Variants in CELSR1 observed in about 807,000 individuals in gnomAD.
CELSR1 encodes cadherin EGF LAG seven-pass G-type receptor 1.
Under a neutral mutation model 249.1 loss-of-function variants are expected in CELSR1, and 110 were observed. The observed-to-expected ratio is 0.44, with a 90% confidence interval of 0.38 to 0.52. CELSR1 has a LOEUF of 0.52. CELSR1 is among the 20% of genes least tolerant of loss of function. CELSR1 has a pLI of 0.00. For missense variants in CELSR1, 4,109 were observed against 4,296.4 expected (o/e 0.96, Z 1.22); for synonymous variants, 2,113 against 1,900.0 (o/e 1.11, Z -2.92).
intron 23 of CELSR1, 110 bp from the exon 24 acceptor site, chr22:46,377,371 G>T: frequency 8.2e-7 from 1 of 1,219,804 alleles, no homozygotes; most frequent in Non-Finnish European, 1.2e-6. Context: ...GATCAAGGCT[G>T]GCAGGATCAG....
intron 19 of CELSR1, 79 bp downstream of exon 19, chr22:46,386,323 T>C: frequency 1.4e-6 from 2 of 1,405,002 alleles, no homozygotes; most frequent in Non-Finnish European, 9.3e-7. Context: ...GCCCACCTGC[T>C]TCACCCCATG....
chr22:46,380,260 C>T lies in CELSR1; in HGVS notation c.7256+528G>A, dbSNP rs1444840003. Among the ~76,000 whole-genome samples, 3 of 152,344 alleles carry T rather than the reference C, an allele frequency of 2.0e-5. No individual in the cohort carries two copies. The East Asian group carries it at 5.8e-4, about 29-fold the overall frequency. On this transcript the variant is annotated intron_variant, in intron 22 of 34. Transcript: ENST00000674500. This position sits in a 1 kb window ranked among gnomAD's most constrained non-coding sequence, Gnocchi z 5.1. ...CGTTCGCCACTCTGTGACTCTCTGA[C>T]GCTGCTTCTGAAACGGGCCAGATAA...
chr22:46,515,619 C>T (rs899695802), intron 1 of CELSR1, among the ~76,000 whole-genome samples: 1 of 152,152 alleles, frequency 6.6e-6, no homozygotes, highest in Non-Finnish European at 1.5e-5. Flanking sequence ...CTCAGTCACA[C>T]AGTGCTCAGG....
At position 46,536,247 on chromosome 22, in the gene CELSR1, G is replaced by A. The variant is rs1298272115; in HGVS notation, c.924C>T (p.Asp308=). 6 of 1,612,326 alleles carry A rather than the reference G, an allele frequency of 3.7e-6. No homozygotes were observed. In the East Asian group the frequency reaches 1.3e-4, roughly 36 times the overall value. ...IDSATGAVST[D]SVLDRETKET... ...CCTTGGTCTCGCGGTCCAGTACGCT[G>A]TCCGTGCTCACGGCGCCCGTGGCAG... The change falls in exon 1 of 35, where the codon GAC becomes GAT. Residue 308 remains aspartate (D), a synonymous_variant. Transcript: ENST00000674500.
chr22:46,463,341 C>T (rs2080054023), intron 2 of CELSR1, among the ~76,000 whole-genome samples: 1 of 152,122 alleles, frequency 6.6e-6, no homozygotes, highest in Admixed American at 6.5e-5. Context: ...CATGGCGAAA[C>T]CCCATCTCTA....
intron 1 of CELSR1, among the ~76,000 whole-genome samples, chr22:46,507,003 C>T (rs933857141): frequency 2.0e-5 from 3 of 151,244 alleles, no homozygotes; most frequent in African/African-American, 4.9e-5. Context: ...CTGGCCAACA[C>T]GGTGAAACCC....
In CELSR1 at chr22:46,411,670, A is replaced by G. The variant is rs778944169; in HGVS notation, c.4701T>C (p.Ala1567=). The G allele has an allele frequency of 3.5e-5, 57 of 1,614,112 alleles. No individual in the cohort carries two copies. The Admixed American group carries it at 9.5e-4, about 27-fold the overall frequency. The part of the protein sequence containing the change: ...VTVDDCDTTM[A]VRFGKDIGNY... The stretch of plus-strand genomic sequence containing the variant: ...TCCCGATGTCCTTTCCAAAGCGCAC[A>G]GCCATGGTTGTGTCACAATCATCCA... The change falls in exon 6 of 35, where the codon GCT becomes GCC. Residue 1567 remains alanine, a synonymous_variant. Coordinates refer to ENST00000674500, the MANE Select transcript of CELSR1 (RefSeq NM_001378328.1). This position sits in a 1 kb window ranked among gnomAD's most constrained non-coding sequence, Gnocchi z 4.2.
intron 2 of CELSR1, chr22:46,462,882 A>G (rs1451868750): frequency 6.4e-6 from 3 of 467,282 alleles, no homozygotes; most frequent in Admixed American, 4.8e-5. Context: ...TCAAGGAAAG[A>G]GCATCTTCAG....
At chr22:46,521,214 T>C (rs1347397795) in intron 1 of CELSR1, among the ~76,000 whole-genome samples, 1 of 152,128 alleles carries the variant, frequency 6.6e-6, no homozygotes, top group African/African-American at 2.4e-5. Flanking sequence ...TTTAAAGATC[T>C]TGTTTTCAGC....
Position 46,367,886 on chromosome 22 carries a change from A to G in CELSR1, c.7953-31T>C, listed in dbSNP as rs1318689755. 9 of 1,592,932 alleles carry G rather than the reference A, an allele frequency of 5.6e-6. No individual in the cohort carries two copies. In the South Asian group the frequency reaches 9.1e-5, roughly 16 times the overall value. On this transcript the variant is annotated intron_variant, in intron 27 of 34. Coordinates refer to ENST00000674500, the MANE Select transcript of CELSR1 (RefSeq NM_001378328.1). ...GGAGGGCAGGATCAGGCCTGTGCCC[A>G]TCGCCACCACCTGCTCCCTTCCTCC...
chr22:46,384,244 G>A, intron 20 of CELSR1, among the ~76,000 whole-genome samples: 1 of 152,292 alleles, frequency 6.6e-6, no homozygotes, highest in East Asian at 1.9e-4. Flanking sequence ...CCTGGATTTT[G>A]ATTTTTTTAT....
rs2080656777 is a variant in CELSR1, at chr22:46,518,928, G to T, written c.3544+14699C>A. The stretch of plus-strand genomic sequence containing the variant: ...CATGCCTGTAATCCCAGCTACTCGG[G>T]AGGCAGAGGCAGGAGAATCGCTTAA... On this transcript the variant is annotated intron_variant, in intron 1 of 34. Transcript: ENST00000674500. This position sits in a 1 kb window ranked among gnomAD's most constrained non-coding sequence, Gnocchi z 5.2. Among the ~76,000 whole-genome samples the T allele has an allele frequency of 6.6e-6, 1 of 152,102 alleles. No individual in the cohort carries two copies. Among genetic ancestry groups the T allele is most frequent in the South Asian group, 2.1e-4 (1 of 4,824 alleles).
intron 2 of CELSR1, among the ~76,000 whole-genome samples, chr22:46,450,089 G>A (rs968558766): frequency 6.6e-5 from 10 of 152,062 alleles, no homozygotes; most frequent in Non-Finnish European, 1.0e-4. Flanking sequence ...GGCCCCCACC[G>A]GAGATAGGAG....
rs186440201 is a variant in CELSR1, at chr22:46,490,475, C to A, written c.3545-26130G>T. 8.2e-3 allele frequency among the ~76,000 whole-genome samples: 1,241 copies of A among 152,006 alleles called. 14 individuals carry two copies. Among genetic ancestry groups the A allele is most frequent in the African/African-American group, 0.029 (1,197 of 41,456 alleles). On this transcript the variant is annotated intron_variant, in intron 1 of 34. Coordinates refer to ENST00000674500, the MANE Select transcript of CELSR1 (RefSeq NM_001378328.1). This position sits in a 1 kb window ranked among gnomAD's most constrained non-coding sequence, Gnocchi z 5.2. ...CTAATTTTTGTATTTTTAGTAGAGA[C>A]GGGGTTTCACCATGTTGGTCAGGCT...
chr22:46,447,936 C>A lies in CELSR1; in HGVS notation c.4184-8525G>T, dbSNP rs961933810. Among the ~76,000 whole-genome samples, 1 of 152,210 alleles carries A rather than the reference C, an allele frequency of 6.6e-6. No individual in the cohort carries two copies. The highest frequency in any genetic ancestry group is 2.4e-5 in the African/African-American group (1 of 41,454). On this transcript the variant is annotated intron_variant, in intron 2 of 34. Coordinates refer to ENST00000674500, the MANE Select transcript of CELSR1 (RefSeq NM_001378328.1). The surrounding 1 kb of genome is among the most constrained non-coding windows in gnomAD (Gnocchi z 4.7). ...CACCCGGCCAGAAAAGCATTCTTAA[C>A]GGCAAAAGAAAAGCTCCCAGGAGCC...
At chr22:46,385,861 TAG>T (rs1404225531) in intron 19 of CELSR1, among the ~76,000 whole-genome samples, 1 of 151,748 alleles carries the variant, frequency 6.6e-6, no homozygotes, top group Non-Finnish European at 1.5e-5. Flanking sequence ...GTATTTTTAG[TAG>T]AGACGGGGTT....
At position 46,395,354 on chromosome 22, in the gene CELSR1, C is replaced by T. The variant is rs1466975670; in HGVS notation, c.5844-1092G>A. 2.6e-5 allele frequency among the ~76,000 whole-genome samples: 4 copies of T among 152,178 alleles called. No homozygotes were observed. The highest frequency in any genetic ancestry group is 5.9e-5 in the Non-Finnish European group (4 of 68,030). ...TAGTGCTGGGCCCCCACGGCCTCCACACAGCCGAATTCTGTTCCTGGCTTG... is the reference window on the plus strand; with the variant it reads ...TAGTGCTGGGCCCCCACGGCCTCCATACAGCCGAATTCTGTTCCTGGCTTG... On this transcript the variant is annotated intron_variant, in intron 13 of 34. Transcript: ENST00000674500. The surrounding 1 kb of genome is among the most constrained non-coding windows in gnomAD (Gnocchi z 5.5).
rs1001393474 is a variant in CELSR1 at position 46,391,752 on chromosome 22, G to C, written c.6029C>G (p.Ser2010Cys). 6.2e-7 allele frequency: 1 copy of C among 1,612,726 alleles called. No homozygotes were observed. The highest frequency in any genetic ancestry group is 1.3e-5 in the African/African-American group (1 of 74,926). The part of the protein sequence containing the change: ...CLPCDCFPHG[S>C]HSRTCDMATG... ...GGCCATGTCGCAAGTGCGGCTGTGGGAGCCATGGGGGAAGCAGTCGCAGGG... is the reference window on the plus strand; with the variant it reads ...GGCCATGTCGCAAGTGCGGCTGTGGCAGCCATGGGGGAAGCAGTCGCAGGG... The change falls in exon 15 of 35, where the codon TCC (serine) becomes TGC (cysteine). Residue 2010 changes from serine to cysteine, a missense_variant. By Grantham distance (112) the Ser-to-Cys change is moderately radical (BLOSUM62 -1). Coordinates refer to ENST00000674500, the MANE Select transcript of CELSR1 (RefSeq NM_001378328.1). The surrounding 1 kb of genome is among the most constrained non-coding windows in gnomAD (Gnocchi z 4.3).
At chr22:46,524,532 C>A (rs1012994940) in intron 1 of CELSR1, among the ~76,000 whole-genome samples, 1 of 145,374 alleles carries the variant, frequency 6.9e-6, no homozygotes, top group Non-Finnish European at 1.5e-5. Flanking sequence ...CCCCCACCCC[C>A]GTTGTGTGCG....
Sources: gnomAD v4.1 joint callset for allele counts (sites outside exome capture counted in the v4.1 genomes callset) on GRCh38, gnomAD v4.1.1 for gene constraint, Gnocchi (gnomAD v3.1) non-coding constraint, MANE v1.5 for transcripts, NCBI Gene and HGNC (gene_info 2026-07-23, HGNC 2026-07-21) for gene names.